Variants in FCRL3 observed in about 807,000 individuals in gnomAD.
The protein encoded by FCRL3 is Fc receptor like 3.
Under a neutral mutation model 75.0 loss-of-function variants are expected in FCRL3, and 89 were observed. The ratio of observed to expected loss-of-function variants is 1.19; its 90% CI spans 1.00 to 1.42. The LOEUF (loss-of-function observed/expected upper bound fraction) is 1.42. FCRL3 is among the 40% of genes most tolerant of loss of function. The pLI is 0.00. For missense variants in FCRL3, 946 were observed against 880.0 expected, an observed-to-expected ratio of 1.07 and a Z score of -0.95; for synonymous variants, 376 against 348.5, an observed-to-expected ratio of 1.08 and a Z score of -0.88.
chr1:157,695,212 C>CAGAA (rs1473739201), intron 8 of FCRL3, 117 bp downstream of exon 8: 1 of 1,062,204 alleles, frequency 9.4e-7, no homozygotes, highest in Non-Finnish European at 1.4e-6. Flanking sequence ...CAGGTGGAGT[C>CAGAA]AGAAAGAGTG....
Position 157,689,786 on chromosome 1 carries a change from C to A in FCRL3, c.1810+12G>T. On this transcript the variant is annotated intron_variant, in intron 10 of 14. Coordinates refer to ENST00000368184, the MANE Select transcript of FCRL3 (RefSeq NM_052939.4). ...GCAAAATCACATCACAAGGTAGGACCTAGACACCCACCTGGTTTCCTTCGG... is the reference window on the plus strand; with the variant it reads ...GCAAAATCACATCACAAGGTAGGACATAGACACCCACCTGGTTTCCTTCGG... 1 of 1,614,090 alleles carries A rather than the reference C, an allele frequency of 6.2e-7. No homozygotes were observed. Among genetic ancestry groups the A allele is most frequent in the Non-Finnish European group, 8.5e-7 (1 of 1,179,988 alleles).
At chr1:157,689,195 A>G (rs1387097802) in intron 10 of FCRL3, among the ~76,000 whole-genome samples, 2 of 152,198 alleles carry the variant, frequency 1.3e-5, no homozygotes, top group Non-Finnish European at 2.9e-5. Context: ...AAAGAAATTA[A>G]TATTGGAAAG....
Position 157,695,455 on chromosome 1 carries a change from C to T in FCRL3, c.1285G>A (p.Ala429Thr). The change falls in exon 8 of 15, where the codon GCC becomes ACC. Residue 429 changes from alanine to threonine, a missense_variant. By Grantham distance (58) the Ala-to-Thr change is moderately conservative. Coordinates refer to ENST00000368184, the MANE Select transcript of FCRL3 (RefSeq NM_052939.4). ...HEDVTLGNSSAPSGGGASFNL... is the reference protein window; with the variant it reads ...HEDVTLGNSSTPSGGGASFNL... ...AAGGAGGCTCCTCCTCCAGAGGGGGCTGAGCTGTTCCCCAGGGTGACATCC... is the reference window on the plus strand; with the variant it reads ...AAGGAGGCTCCTCCTCCAGAGGGGGTTGAGCTGTTCCCCAGGGTGACATCC... The T allele has an allele frequency of 6.2e-7, 1 of 1,614,210 alleles. No homozygotes were observed. Among genetic ancestry groups the T allele is most frequent in the Non-Finnish European group, 8.5e-7 (1 of 1,180,028 alleles).
chr1:157,696,517 C>T (rs1000717272), intron 6 of FCRL3, 190 bp from the exon 7 acceptor site: 20 of 592,748 alleles, frequency 3.4e-5, no homozygotes, highest in African/African-American at 2.2e-4. Context: ...CCACAACATT[C>T]CCATCCTTGA....
chr1:157,689,859 G>GCTGAGCACCAGCCC lies in FCRL3; in HGVS notation c.1735_1748dup (p.Ser583ArgfsTer53). ...CAGCAGCAGCAGCAAGGACGAGGATGCTGAGCACCAGCCCCGTGATTCCCG... is the reference window on the plus strand; with the variant it reads ...CAGCAGCAGCAGCAAGGACGAGGATGCTGAGCACCAGCCCCTGAGCACCAGCCCCGTGATTCCCG... On this transcript the variant is annotated frameshift_variant, in exon 10 of 15. Transcript: ENST00000368184. LOFTEE classifies it high-confidence loss of function. 1 of 1,614,210 alleles carries GCTGAGCACCAGCCC rather than the reference G, an allele frequency of 6.2e-7. No individual in the cohort carries two copies. Among genetic ancestry groups the GCTGAGCACCAGCCC allele is most frequent in the Admixed American group, 1.7e-5 (1 of 60,032 alleles).
Position 157,696,039 on chromosome 1 carries a change from C to T in FCRL3, c.1132+1G>A. On this transcript the variant is annotated splice_donor_variant, in intron 7 of 14. Coordinates refer to ENST00000368184, the MANE Select transcript of FCRL3 (RefSeq NM_052939.4). LOFTEE classifies it high-confidence loss of function. The stretch of plus-strand genomic sequence containing the variant: ...GCTGTGTGAAAGGAATCGGAACTTA[C>T]TTCTCACGGTGACTCGAATCCACGT... 2 of 1,606,126 alleles carry T rather than the reference C, an allele frequency of 1.2e-6. No individual in the cohort carries two copies. Among genetic ancestry groups the T allele is most frequent in the African/African-American group, 1.3e-5 (1 of 74,264 alleles).
intron 4 of FCRL3, 119 bp downstream of exon 4, chr1:157,698,265 G>A: frequency 1.7e-6 from 2 of 1,196,044 alleles, no homozygotes; most frequent in East Asian, 2.3e-5. Flanking sequence ...TTCCCCACTG[G>A]GGTCAGTGCA....
rs1654469433 is a variant in FCRL3 at position 157,676,564 on chromosome 1, G to A, written c.*2146C>T. On this transcript the variant is annotated 3_prime_UTR_variant, in exon 15 of 15. Coordinates refer to ENST00000368184, the MANE Select transcript of FCRL3 (RefSeq NM_052939.4). ...TTCTGGGCTATGGGTTTTTAGTTGT[G>A]AATTCAAAGATAAAAGTCAAGTAGA... 3 of 702,264 alleles carry A rather than the reference G, an allele frequency of 4.3e-6. No homozygotes were observed. The East Asian group carries it at 8.5e-5, about 20-fold the overall frequency. The allele number at this position is 702,264 out of a possible 1,614,324, so 43.5% of individuals were successfully genotyped here.
In FCRL3 at chr1:157,677,005, C is replaced by G; in HGVS notation, c.*1705G>C. On this transcript the variant is annotated 3_prime_UTR_variant, in exon 15 of 15. Transcript: ENST00000368184. Reference sequence around the variant, plus strand: ...CAGAGACATTTGCCTCCTCCCTCTTCAAGGGACCTTAAAATTTTAATGCCA... The same window carrying G: ...CAGAGACATTTGCCTCCTCCCTCTTGAAGGGACCTTAAAATTTTAATGCCA... 7.6e-7 allele frequency: 1 copy of G among 1,307,528 alleles called. No individual in the cohort carries two copies. The highest frequency in any genetic ancestry group is 9.8e-7 in the Non-Finnish European group (1 of 1,019,968). 81.0% of individuals were successfully genotyped at this position (1,307,528 alleles called of 1,614,324 possible).
At chr1:157,688,224 C>A (rs1655297414) in intron 10 of FCRL3, among the ~76,000 whole-genome samples, 1 of 151,910 alleles carries the variant, frequency 6.6e-6, no homozygotes, top group South Asian at 2.1e-4. Flanking sequence ...TATAGGGGTA[C>A]AAATAGGCTA....
chr1:157,686,095 G>A (rs1318508156), intron 10 of FCRL3, among the ~76,000 whole-genome samples: 1 of 151,920 alleles, frequency 6.6e-6, no homozygotes, highest in African/African-American at 2.4e-5. Flanking sequence ...CAAGAGTAAG[G>A]TTTCAGGACA....
intron 13 of FCRL3, 107 bp downstream of exon 13, chr1:157,680,595 T>C (rs1654773648): frequency 1.1e-6 from 1 of 881,028 alleles, no homozygotes; most frequent in Non-Finnish European, 1.8e-6. Context: ...AGGCAAGTAA[T>C]GCCTTGCGTG....
In FCRL3 at chr1:157,690,409, G is replaced by A. The variant is rs141302640; in HGVS notation, c.1536C>T (p.His512=). 29 of 1,614,098 alleles carry A rather than the reference G, an allele frequency of 1.8e-5. No homozygotes were observed. The East Asian group carries it at 2.2e-4, about 12-fold the overall frequency. The stretch of plus-strand genomic sequence containing the variant: ...AGATGTTCCCCAAGGTGTCATCCTC[G>A]TGATAAAACCAGTACAGGATCGGGA... The part of the protein sequence containing the change: ...GSFPILYWFY[H]EDDTLGNISA... The change falls in exon 9 of 15, where the codon CAC becomes CAT. Residue 512 remains histidine (H), a synonymous_variant. Transcript: ENST00000368184.
Position 157,677,572 on chromosome 1 carries a change from CA to C in FCRL3, c.*1137del. ...CATTTTTGTCATATTAAAAATTCAA[CA>C]CACTGTGGAAAGAGTTTTTGATGGT... On this transcript the variant is annotated 3_prime_UTR_variant, in exon 15 of 15. Coordinates refer to ENST00000368184, the MANE Select transcript of FCRL3 (RefSeq NM_052939.4). 1.2e-5 allele frequency: 12 copies of C among 985,372 alleles called. No individual in the cohort carries two copies. Among genetic ancestry groups the C allele is most frequent in the Non-Finnish European group, 1.4e-5 (12 of 829,912 alleles). The allele number at this position is 985,372 out of a possible 1,614,324, so 61.0% of individuals were successfully genotyped here.
Position 157,697,121 on chromosome 1 carries a change from C to A in FCRL3, c.844+19G>T. Reference sequence around the variant, plus strand: ...CTCCCCAGCTCTGACTCTGGAAGAGCAGCCCCTTAGACACTCACTCTGTAC... The same window carrying A: ...CTCCCCAGCTCTGACTCTGGAAGAGAAGCCCCTTAGACACTCACTCTGTAC... On this transcript the variant is annotated intron_variant, in intron 6 of 14. Transcript: ENST00000368184. The A allele has an allele frequency of 7.1e-7, 1 of 1,412,166 alleles. No individual in the cohort carries two copies. The highest frequency in any genetic ancestry group is 9.3e-7 in the Non-Finnish European group (1 of 1,077,050). 87.5% of individuals were successfully genotyped at this position (1,412,166 alleles called of 1,614,324 possible).
chr1:157,693,034 G>C (rs1326755820), intron 8 of FCRL3, among the ~76,000 whole-genome samples: 1 of 152,052 alleles, frequency 6.6e-6, no homozygotes, highest in Non-Finnish European at 1.5e-5. Context: ...CTAGCACTTT[G>C]GGAGGCTGTC....
Position 157,697,268 on chromosome 1 carries a change from C to G in FCRL3, c.716G>C (p.Trp239Ser). ...GATCTGGAGTCTGGGGGACCTGCTCCAGCCCAATCCGAGGGTCTGGCTATC... is the reference window on the plus strand; with the variant it reads ...GATCTGGAGTCTGGGGGACCTGCTCGAGCCCAATCCGAGGGTCTGGCTATC... Reference protein sequence around the residue: ...FRDSQTLGLGWSRSPRLQIPA... With the variant: ...FRDSQTLGLGSSRSPRLQIPA... The change falls in exon 6 of 15, where the codon TGG becomes TCG. Residue 239 changes from tryptophan to serine, a missense_variant. Transcript: ENST00000368184. 6.2e-7 allele frequency: 1 copy of G among 1,612,028 alleles called. No individual in the cohort carries two copies. Among genetic ancestry groups the G allele is most frequent in the Non-Finnish European group, 8.5e-7 (1 of 1,178,796 alleles).
intron 10 of FCRL3, 119 bp from the exon 11 acceptor site, chr1:157,683,363 A>G: frequency 7.8e-7 from 1 of 1,276,304 alleles, no homozygotes; most frequent in Non-Finnish European, 1.1e-6. Flanking sequence ...GGAAAAACTC[A>G]AGGATTATCC....
At position 157,684,525 on chromosome 1, in the gene FCRL3, A is replaced by G. The variant is rs568108120; in HGVS notation, c.1811-1281T>C. Among the ~76,000 whole-genome samples the G allele has an allele frequency of 3.3e-5, 5 of 152,214 alleles. No homozygotes were observed. The East Asian group carries it at 7.7e-4, about 24-fold the overall frequency. ...GGTGGTTAGCTCCGACCTAGAATGC[A>G]TCTGGGAGTCAGTCTATCTCCTTAT... On this transcript the variant is annotated intron_variant, in intron 10 of 14. Coordinates refer to ENST00000368184, the MANE Select transcript of FCRL3 (RefSeq NM_052939.4).
Sources: allele counts gnomAD v4.1 joint callset (sites outside exome capture counted in the v4.1 genomes callset), GRCh38; gene constraint gnomAD v4.1.1; transcripts MANE v1.5; gene names NCBI Gene and HGNC (gene_info 2026-07-23, HGNC 2026-07-21).